ONECUT2: variants seen among roughly 807,000 people sequenced by gnomAD.
ONECUT2 encodes the protein one cut homeobox 2.
Under a neutral mutation model 27.9 loss-of-function variants are expected in ONECUT2, and 10 were observed. The observed-to-expected ratio is 0.36, with a 90% confidence interval of 0.22 to 0.61. The LOEUF is 0.61. Among genes scored for constraint, ONECUT2 ranks in the 20% least tolerant of loss-of-function variants. The pLI is 0.73. For missense variants in ONECUT2, 686 were observed against 721.0 expected, an observed-to-expected ratio of 0.95 and a Z score of 0.56; for synonymous variants, 334 against 315.1, an observed-to-expected ratio of 1.06 and a Z score of -0.64.
In ONECUT2 at chr18:57,484,438, G is replaced by A. The variant is rs1334783926; in HGVS notation, c.*7715G>A. The A allele has an allele frequency of 6.6e-6, 1 of 152,594 alleles. No individual in the cohort carries two copies. Among genetic ancestry groups the A allele is most frequent in the Non-Finnish European group, 1.5e-5 (1 of 68,044 alleles). 9.5% of individuals were successfully genotyped at this position (152,594 alleles called of 1,614,324 possible). ...ACCCCAAAGAAATAATTATCTATGC[G>A]ACGGCGGCTGCTAATTTGGAAAGGG... On this transcript the variant is annotated 3_prime_UTR_variant, in exon 2 of 2. Coordinates refer to ENST00000491143, the MANE Select transcript of ONECUT2 (RefSeq NM_004852.3).
intron 1 of ONECUT2, among the ~76,000 whole-genome samples, chr18:57,472,694 A>ATG (rs959159203): frequency 1.3e-5 from 2 of 152,160 alleles, no homozygotes; most frequent in African/African-American, 2.4e-5. Flanking sequence ...TATCTTAAAT[A>ATG]TGTGTGTGTA....
At chr18:57,472,227 G>A (rs2050358014) in intron 1 of ONECUT2, among the ~76,000 whole-genome samples, 1 of 152,194 alleles carries the variant, frequency 6.6e-6, no homozygotes, top group African/African-American at 2.4e-5. Context: ...ATGGGCACAT[G>A]TGGACTATAG....
chr18:57,452,134 T>G (rs1346285823), intron 1 of ONECUT2, among the ~76,000 whole-genome samples: 1 of 152,136 alleles, frequency 6.6e-6, no homozygotes, highest in African/African-American at 2.4e-5. Flanking sequence ...TATTTCACAT[T>G]CATAAGTAAC....
rs1002783294 is a variant in ONECUT2, at chr18:57,482,517, C to T, written c.*5794C>T. On this transcript the variant is annotated 3_prime_UTR_variant, in exon 2 of 2. Transcript: ENST00000491143. ...GTTGATTGGAAGTAACCAGCTAATACCTTTTCTAGTGGAGAAAAAGACATT... is the reference window on the plus strand; with the variant it reads ...GTTGATTGGAAGTAACCAGCTAATATCTTTTCTAGTGGAGAAAAAGACATT... The T allele has an allele frequency of 6.6e-6, 1 of 152,192 alleles. No homozygotes were observed. Among genetic ancestry groups the T allele is most frequent in the African/African-American group, 2.4e-5 (1 of 41,450 alleles). The allele number at this position is 152,192 out of a possible 1,614,324, so 9.4% of individuals were successfully genotyped here.
In ONECUT2 at chr18:57,435,462, G is replaced by T. The variant is rs1175212816; in HGVS notation, c.-255G>T. Reference sequence around the variant, plus strand: ...ACATGGCGAGGCTGCGAGCCGGCCCGAGCGGCGGGGCCCGGTGATCCCTCC... The same window carrying T: ...ACATGGCGAGGCTGCGAGCCGGCCCTAGCGGCGGGGCCCGGTGATCCCTCC... On this transcript the variant is annotated 5_prime_UTR_variant, in exon 1 of 2. Transcript: ENST00000491143. Among the ~76,000 whole-genome samples, 1 of 151,006 alleles carries T rather than the reference G, an allele frequency of 6.6e-6. No individual in the cohort carries two copies. Among genetic ancestry groups the T allele is most frequent in the Non-Finnish European group, 1.5e-5 (1 of 67,612 alleles).
chr18:57,473,241 T>C (rs1043280926), intron 1 of ONECUT2, among the ~76,000 whole-genome samples: 1 of 152,184 alleles, frequency 6.6e-6, no homozygotes, highest in African/African-American at 2.4e-5. Context: ...AGAGAAGTGT[T>C]TATTCTTTCT....
At position 57,476,471 on chromosome 18, in the gene ONECUT2, C is replaced by T; in HGVS notation, c.1263C>T (p.Asp421=). 2 of 1,614,238 alleles carry T rather than the reference C, an allele frequency of 1.2e-6. No homozygotes were observed. The highest frequency in any genetic ancestry group is 1.7e-6 in the Non-Finnish European group (2 of 1,180,038). Reference sequence around the variant, plus strand: ...GCAAAGAGCAAGAACCAAACAAAGACAGGAACAATTCCCAGAAGAAGTCCC... The same window carrying T: ...GCAAAGAGCAAGAACCAAACAAAGATAGGAACAATTCCCAGAAGAAGTCCC... ...CKRKEQEPNK[D]RNNSQKKSRL... is the part of the protein sequence containing the mutation. The change falls in exon 2 of 2, where the codon GAC becomes GAT. Residue 421 remains aspartate (D), a synonymous_variant. Coordinates refer to ENST00000491143, the MANE Select transcript of ONECUT2 (RefSeq NM_004852.3).
At chr18:57,451,141 T>C (rs2050227893) in intron 1 of ONECUT2, among the ~76,000 whole-genome samples, 1 of 152,264 alleles carries the variant, frequency 6.6e-6, no homozygotes, top group Non-Finnish European at 1.5e-5. Flanking sequence ...TATTAGCTCG[T>C]GATATTTCAT....
At chr18:57,476,081 C>G (rs1348776525) in intron 1 of ONECUT2, among the ~76,000 whole-genome samples, 2 of 152,188 alleles carry the variant, frequency 1.3e-5, no homozygotes, top group Non-Finnish European at 2.9e-5. Flanking sequence ...CCAGGCTTCC[C>G]CCACCCTGGC....
intron 1 of ONECUT2, among the ~76,000 whole-genome samples, chr18:57,462,723 CTTTT>C (rs57032206): frequency 2.9e-5 from 2 of 68,998 alleles, no homozygotes; most frequent in Non-Finnish European, 5.5e-5. Context: ...TATTTTCTTT[CTTTT>C]TTTTTTTTTT....
chr18:57,476,873 A>G lies in ONECUT2; in HGVS notation c.*150A>G. On this transcript the variant is annotated 3_prime_UTR_variant, in exon 2 of 2. Transcript: ENST00000491143. Reference sequence around the variant, plus strand: ...TCTCTTGCAAAGAAACTTATATTCTAGCTGTAATCATAGGCCAGGTGTTCT... The same window carrying G: ...TCTCTTGCAAAGAAACTTATATTCTGGCTGTAATCATAGGCCAGGTGTTCT... The G allele has an allele frequency of 2.3e-6, 2 of 882,912 alleles. No homozygotes were observed. Among genetic ancestry groups the G allele is most frequent in the East Asian group, 5.3e-5 (2 of 37,720 alleles). The allele number at this position is 882,912 out of a possible 1,614,324, so 54.7% of individuals were successfully genotyped here.
chr18:57,460,679 A>G (rs72932466), intron 1 of ONECUT2, among the ~76,000 whole-genome samples: 1 of 143,368 alleles, frequency 7.0e-6, no homozygotes, highest in Non-Finnish European at 1.5e-5. Context: ...AGTTCTATTC[A>G]TTCAAATCTT....
Position 57,480,709 on chromosome 18 carries a change from T to C in ONECUT2, c.*3986T>C, listed in dbSNP as rs928121615. On this transcript the variant is annotated 3_prime_UTR_variant, in exon 2 of 2. Coordinates refer to ENST00000491143, the MANE Select transcript of ONECUT2 (RefSeq NM_004852.3). ...ATACATATATAAATATATATGTGTATCTATACAGTTATGTATCAAAATTTT... is the reference window on the plus strand; with the variant it reads ...ATACATATATAAATATATATGTGTACCTATACAGTTATGTATCAAAATTTT... The C allele has an allele frequency of 7.2e-5, 11 of 152,178 alleles. No homozygotes were observed. Among genetic ancestry groups the C allele is most frequent in the African/African-American group, 2.2e-4 (9 of 41,454 alleles). 9.4% of individuals were successfully genotyped at this position (152,178 alleles called of 1,614,324 possible). A position where few individuals can be genotyped will look rare whatever the true frequency, so the allele number is the denominator to read the frequency against.
At chr18:57,441,337 C>T (rs918237540) in intron 1 of ONECUT2, among the ~76,000 whole-genome samples, 1 of 152,260 alleles carries the variant, frequency 6.6e-6, no homozygotes, top group Non-Finnish European at 1.5e-5. Flanking sequence ...GCGCGCTCTT[C>T]CCAGCAGAGC....
intron 1 of ONECUT2, among the ~76,000 whole-genome samples, chr18:57,459,445 T>C (rs2050277938): frequency 6.6e-6 from 1 of 152,236 alleles, no homozygotes; most frequent in Non-Finnish European, 1.5e-5. Context: ...CAAACATTAA[T>C]AGATCTAAAG....
chr18:57,487,384 C>T lies in ONECUT2; in HGVS notation c.*10661C>T, dbSNP rs550950750. On this transcript the variant is annotated 3_prime_UTR_variant, in exon 2 of 2. Coordinates refer to ENST00000491143, the MANE Select transcript of ONECUT2 (RefSeq NM_004852.3). ...CAAAAGGAGTTATTTTGGCTTTATG[C>T]TCATGAACTTAGACCTAACTGGCCA... 4.6e-5 allele frequency: 7 copies of T among 152,222 alleles called. No individual in the cohort carries two copies. The highest frequency in any genetic ancestry group is 2.0e-4 in the Admixed American group (3 of 15,254). 9.4% of individuals were successfully genotyped at this position (152,222 alleles called of 1,614,324 possible). A position where few individuals can be genotyped will look rare whatever the true frequency, so the allele number is the denominator to read the frequency against.
chr18:57,436,358 C>T lies in ONECUT2; in HGVS notation c.642C>T (p.Tyr214=). The part of the protein sequence containing the change: ...LPAMNNLYSP[Y]KEMPGMSQSL... ...CCATGAACAACCTCTACAGTCCCTA[C>T]AAGGAGATGCCCGGCATGAGCCAGA... is the stretch of plus-strand genomic sequence containing the variant. Residue 214 remains tyrosine, a synonymous_variant, in exon 1 of 2, where the codon TAC becomes TAT. Coordinates refer to ENST00000491143, the MANE Select transcript of ONECUT2 (RefSeq NM_004852.3). This position sits in a 1 kb window ranked among gnomAD's most constrained non-coding sequence, Gnocchi z 5.9. The T allele has an allele frequency of 6.2e-7, 1 of 1,607,016 alleles. No homozygotes were observed. Among genetic ancestry groups the T allele is most frequent in the Non-Finnish European group, 8.5e-7 (1 of 1,179,850 alleles).
chr18:57,454,737 G>C (rs1347023328), intron 1 of ONECUT2, among the ~76,000 whole-genome samples: 1 of 152,142 alleles, frequency 6.6e-6, no homozygotes, highest in South Asian at 2.1e-4. Context: ...TGGGCATGCT[G>C]TTTGCAAACT....
In ONECUT2 at chr18:57,482,225, T is replaced by C. The variant is rs1447434952; in HGVS notation, c.*5502T>C. 5.9e-5 allele frequency: 9 copies of C among 152,214 alleles called. No individual in the cohort carries two copies. Among genetic ancestry groups the C allele is most frequent in the Non-Finnish European group, 7.3e-5 (5 of 68,036 alleles). The allele number at this position is 152,214 out of a possible 1,614,324, so 9.4% of individuals were successfully genotyped here. On this transcript the variant is annotated 3_prime_UTR_variant, in exon 2 of 2. Transcript: ENST00000491143. Reference sequence around the variant, plus strand: ...ATGCCTGTTTTCTATCAATGATTTGTTTGTTTCCAAGGTCGGGGAGGGAAA... The same window carrying C: ...ATGCCTGTTTTCTATCAATGATTTGCTTGTTTCCAAGGTCGGGGAGGGAAA...
Sources: allele counts gnomAD v4.1 joint callset (sites outside exome capture counted in the v4.1 genomes callset), GRCh38; gene constraint gnomAD v4.1.1; non-coding constraint Gnocchi (gnomAD v3.1); transcripts MANE v1.5; gene names NCBI Gene and HGNC (gene_info 2026-07-23, HGNC 2026-07-21).